Variants in PPM1E observed in about 807,000 individuals in gnomAD.
The protein encoded by PPM1E is protein phosphatase, Mg2+/Mn2+ dependent 1E.
A neutral mutation model predicts 65.9 loss-of-function variants in PPM1E; 20 were observed. The ratio of observed to expected loss-of-function variants is 0.30; its 90% CI spans 0.21 to 0.44. PPM1E has a LOEUF of 0.44. Among genes scored for constraint, PPM1E ranks in the 20% least tolerant of loss-of-function variants. PPM1E has a pLI of 1.00. For missense variants in PPM1E, 713 were observed against 953.1 expected (o/e 0.75, Z 3.32); for synonymous variants, 352 against 374.9 (o/e 0.94, Z 0.70).
At position 58,756,057 on chromosome 17, in the gene PPM1E, C is replaced by A. The variant is rs759955342; in HGVS notation, c.60C>A (p.Gly20=). ...GGCGCTTCCTGGAGCTATTCCTGGG[C>A]GAGTTTCGCGGACCGTGCGGCGGCG... ...TYRRFLELFL[G]EFRGPCGGGE... is the part of the protein sequence containing the mutation. Residue 20 remains glycine, a synonymous_variant, in exon 1 of 7, where the codon GGC becomes GGA. Transcript: ENST00000308249. 5 of 1,613,844 alleles carry A rather than the reference C, an allele frequency of 3.1e-6. No individual in the cohort carries two copies. In the Admixed American group the frequency reaches 8.3e-5, roughly 27 times the overall value.
chr17:58,983,743 T>C lies in PPM1E; in HGVS notation c.*2712T>C, dbSNP rs180786750. The C allele has an allele frequency of 4.1e-4, 62 of 152,798 alleles. No homozygotes were observed. Among genetic ancestry groups the C allele is most frequent in the African/African-American group, 1.4e-3 (57 of 41,592 alleles). 9.5% of individuals were successfully genotyped at this position (152,798 alleles called of 1,614,324 possible). A position where few individuals can be genotyped will look rare whatever the true frequency, so the allele number is the denominator to read the frequency against. ...TGGTGAAAGTTCTACACTCAATCCTTAAAGAGTGGCAGTATCCCTTTTTCA... is the reference window on the plus strand; with the variant it reads ...TGGTGAAAGTTCTACACTCAATCCTCAAAGAGTGGCAGTATCCCTTTTTCA... On this transcript the variant is annotated 3_prime_UTR_variant, in exon 7 of 7. Coordinates refer to ENST00000308249, the MANE Select transcript of PPM1E (RefSeq NM_014906.5).
At chr17:58,896,655 G>A (rs535436641) in intron 1 of PPM1E, among the ~76,000 whole-genome samples, 1 of 152,268 alleles carries the variant, frequency 6.6e-6, no homozygotes, top group South Asian at 2.1e-4. Flanking sequence ...TGAGGTTTAA[G>A]GAAAGAAGCC....
At chr17:58,902,361 GT>G (rs937712268) in intron 1 of PPM1E, among the ~76,000 whole-genome samples, 5 of 148,620 alleles carry the variant, frequency 3.4e-5, no homozygotes, top group East Asian at 2.0e-4. Flanking sequence ...AAATGTTTGT[GT>G]TTTTTTTTTC....
chr17:58,918,459 A>G (rs1242562755), intron 1 of PPM1E, among the ~76,000 whole-genome samples: 2 of 152,188 alleles, frequency 1.3e-5, no homozygotes, highest in Non-Finnish European at 2.9e-5. Context: ...ATGTTAATTT[A>G]TGATCTTTAG....
At chr17:58,770,221 G>A (rs925200852) in intron 1 of PPM1E, among the ~76,000 whole-genome samples, 5 of 152,068 alleles carry the variant, frequency 3.3e-5, no homozygotes, top group Admixed American at 2.0e-4. Context: ...AGTAAAGCTT[G>A]TCTTTCAGAA....
chr17:58,933,035 C>T (rs535713589), intron 1 of PPM1E, among the ~76,000 whole-genome samples: 2 of 152,294 alleles, frequency 1.3e-5, no homozygotes, highest in East Asian at 3.9e-4. Flanking sequence ...ACACTGTGCA[C>T]TATTGTCTCT....
intron 1 of PPM1E, among the ~76,000 whole-genome samples, chr17:58,861,663 C>T (rs562568657): frequency 2.0e-5 from 3 of 152,220 alleles, no homozygotes; most frequent in African/African-American, 2.4e-5. Flanking sequence ...CGGTGGCTCA[C>T]GCTGGTAATC....
chr17:58,897,693 C>T (rs1211637663), intron 1 of PPM1E: 3 of 152,182 alleles, frequency 2.0e-5, no homozygotes, highest in Non-Finnish European at 4.4e-5. Flanking sequence ...TTCTAGATGT[C>T]ATTAAGTACA....
intron 1 of PPM1E, among the ~76,000 whole-genome samples, chr17:58,881,200 A>C (rs779583316): frequency 6.6e-6 from 1 of 152,164 alleles, no homozygotes; most frequent in South Asian, 2.1e-4. Context: ...AATGTCATAC[A>C]TGAAAACACT....
chr17:58,803,887 A>G (rs1882746112), intron 1 of PPM1E, among the ~76,000 whole-genome samples: 1 of 152,188 alleles, frequency 6.6e-6, no homozygotes, highest in Non-Finnish European at 1.5e-5. Flanking sequence ...GTTGAATAGT[A>G]GTGTTTTAAA....
At chr17:58,870,319 A>T (rs2075202966) in intron 1 of PPM1E, among the ~76,000 whole-genome samples, 1 of 152,082 alleles carries the variant, frequency 6.6e-6, no homozygotes, top group African/African-American at 2.4e-5. Context: ...TAGCTCTCCC[A>T]GTTATTTTGT....
intron 1 of PPM1E, among the ~76,000 whole-genome samples, chr17:58,766,738 A>G (rs1350443595): frequency 6.6e-6 from 1 of 152,176 alleles, no homozygotes; most frequent in Non-Finnish European, 1.5e-5. Flanking sequence ...GATGACAATC[A>G]TTAAATTCAG....
chr17:58,970,638 G>C (rs2030545342), intron 4 of PPM1E, among the ~76,000 whole-genome samples: 1 of 152,056 alleles, frequency 6.6e-6, no homozygotes, highest in South Asian at 2.1e-4. Flanking sequence ...AGACCTATTT[G>C]GTATTAAGAA....
At chr17:58,793,419 G>A (rs1212169452) in intron 1 of PPM1E, among the ~76,000 whole-genome samples, 4 of 151,594 alleles carry the variant, frequency 2.6e-5, no homozygotes, top group Non-Finnish European at 4.4e-5. Context: ...GCAGTGGCGC[G>A]ATCTCGGCTC....
intron 1 of PPM1E, among the ~76,000 whole-genome samples, chr17:58,857,536 A>G (rs1425643629): frequency 1.3e-5 from 2 of 152,162 alleles, no homozygotes; most frequent in Non-Finnish European, 2.9e-5. Flanking sequence ...AATTAAATGA[A>G]AAAATATGTA....
chr17:58,837,767 G>A (rs185301096), intron 1 of PPM1E, among the ~76,000 whole-genome samples: 32 of 152,134 alleles, frequency 2.1e-4, no homozygotes, highest in Admixed American at 1.2e-3. Flanking sequence ...TGGAATGTTG[G>A]GATTACAGGC....
chr17:58,838,403 A>G (rs1031006926), intron 1 of PPM1E, among the ~76,000 whole-genome samples: 4 of 152,252 alleles, frequency 2.6e-5, no homozygotes, highest in African/African-American at 9.6e-5. Context: ...AAGAAAATGT[A>G]GAGACAGCAA....
intron 1 of PPM1E, among the ~76,000 whole-genome samples, chr17:58,856,703 A>C (rs904978435): frequency 1.3e-5 from 2 of 152,226 alleles, no homozygotes; most frequent in Non-Finnish European, 2.9e-5. Flanking sequence ...ATAGAGAAAA[A>C]GACCATGTGA....
chr17:58,846,386 C>T (rs564454403), intron 1 of PPM1E, among the ~76,000 whole-genome samples: 28 of 152,162 alleles, frequency 1.8e-4, no homozygotes, highest in African/African-American at 5.8e-4. Context: ...CGTCATTTAG[C>T]ATTAGGTATA....
Sources: gnomAD v4.1 joint callset for allele counts (sites outside exome capture counted in the v4.1 genomes callset) on GRCh38, gnomAD v4.1.1 for gene constraint, MANE v1.5 for transcripts, NCBI Gene and HGNC (gene_info 2026-07-23, HGNC 2026-07-21) for gene names.